Variants in PALLD observed in about 807,000 individuals in gnomAD.
The protein encoded by PALLD is palladin, cytoskeletal associated protein.
A neutral mutation model predicts 123.5 loss-of-function variants in PALLD; 61 were observed. That is an observed-to-expected ratio of 0.49 (90% CI 0.40 to 0.61). The LOEUF is 0.61. Ranked by LOEUF, PALLD falls within the 20% of genes least tolerant of loss-of-function variation. The pLI, the probability that PALLD is intolerant of heterozygous loss-of-function variation, is 0.00. For synonymous variants in PALLD, 465 were observed against 496.4 expected (o/e 0.94, Z 0.84); for missense variants, 1,273 against 1,377.0 (o/e 0.92, Z 1.20).
intron 10 of PALLD, among the ~76,000 whole-genome samples, chr4:168,763,826 A>G (rs1195495140): frequency 6.6e-6 from 1 of 152,216 alleles, no homozygotes; most frequent in Non-Finnish European, 1.5e-5. Context: ...CCATCAGGTC[A>G]GGAGTGACCA....
At chr4:168,659,975 A>C (rs1001278771) in intron 2 of PALLD, among the ~76,000 whole-genome samples, 7 of 152,244 alleles carry the variant, frequency 4.6e-5, no homozygotes, top group African/African-American at 1.4e-4. Flanking sequence ...TATACTAGAA[A>C]GTGTATCTTA....
intron 10 of PALLD, among the ~76,000 whole-genome samples, chr4:168,818,080 C>G (rs111872554): frequency 6.6e-6 from 1 of 152,188 alleles, no homozygotes; most frequent in Non-Finnish European, 1.5e-5. Flanking sequence ...ACCTGCCCCC[C>G]ACTTAAACTG....
At chr4:168,857,113 G>A (rs1347662797) in intron 10 of PALLD, among the ~76,000 whole-genome samples, 6 of 152,140 alleles carry the variant, frequency 3.9e-5, no homozygotes, top group Admixed American at 2.6e-4. Context: ...TCCTTCTCTC[G>A]ACAACCCTTC....
intron 2 of PALLD, among the ~76,000 whole-genome samples, chr4:168,627,684 G>A (rs185513040): frequency 6.6e-6 from 1 of 152,224 alleles, no homozygotes; most frequent in Admixed American, 6.5e-5. Flanking sequence ...GAGCCAAGTC[G>A]AAAGACAAAC....
At chr4:168,856,499 GC>G (rs1220187179) in intron 10 of PALLD, among the ~76,000 whole-genome samples, 5 of 152,112 alleles carry the variant, frequency 3.3e-5, no homozygotes, top group Non-Finnish European at 5.9e-5. Flanking sequence ...CCACATCCTG[GC>G]CAGCAGCTGT....
chr4:168,739,496 G>A (rs986639232), intron 10 of PALLD, among the ~76,000 whole-genome samples: 4 of 152,160 alleles, frequency 2.6e-5, no homozygotes, highest in Non-Finnish European at 5.9e-5. Flanking sequence ...TCTAATGTTC[G>A]TTAGCAGAAT....
chr4:168,646,213 C>A (rs1485228339), intron 2 of PALLD, among the ~76,000 whole-genome samples: 1 of 152,212 alleles, frequency 6.6e-6, no homozygotes, highest in African/African-American at 2.4e-5. Context: ...AGATGCTATG[C>A]CTGCTGCCTC....
chr4:168,873,827 T>C (rs988595239), intron 10 of PALLD, among the ~76,000 whole-genome samples: 2 of 152,140 alleles, frequency 1.3e-5, no homozygotes, highest in Non-Finnish European at 2.9e-5. Context: ...AGGGTTGGTG[T>C]GTGTCTCCAG....
At chr4:168,589,261 C>T (rs577898668) in intron 2 of PALLD, among the ~76,000 whole-genome samples, 3 of 152,224 alleles carry the variant, frequency 2.0e-5, no homozygotes, top group South Asian at 4.2e-4. Context: ...CACTGCAGGC[C>T]GGGTGCTTGT....
chr4:168,552,144 A>G (rs1353163131), intron 2 of PALLD, among the ~76,000 whole-genome samples: 1 of 152,124 alleles, frequency 6.6e-6, no homozygotes, highest in Non-Finnish European at 1.5e-5. Flanking sequence ...AGTTTAAGTC[A>G]CCCAAGTTGA....
chr4:168,893,570 G>T (rs926454483), intron 11 of PALLD, among the ~76,000 whole-genome samples: 2 of 152,162 alleles, frequency 1.3e-5, no homozygotes, highest in African/African-American at 2.4e-5. Context: ...AATAATTTCT[G>T]TACATTTTTT....
chr4:168,758,074 AAAT>A (rs949495944), intron 10 of PALLD, among the ~76,000 whole-genome samples: 70 of 152,342 alleles, frequency 4.6e-4, no homozygotes, highest in African/African-American at 1.6e-3. Flanking sequence ...CCATCTCAAA[AAAT>A]AATAATAACA....
chr4:168,759,193 AAAAAAAAAAATATATATATATATATATAT>A (rs1732383431), intron 10 of PALLD, among the ~76,000 whole-genome samples: 1 of 32,470 alleles, frequency 3.1e-5, no homozygotes, highest in Non-Finnish European at 6.2e-5. Context: ...AAAAAAAAAA[AAAAAAAAAAATATATATATATATATATAT>A]ATATATATAT....
chr4:168,850,812 A>C (rs1054144765), intron 10 of PALLD, among the ~76,000 whole-genome samples: 1 of 151,990 alleles, frequency 6.6e-6, no homozygotes, highest in Admixed American at 6.6e-5. Flanking sequence ...AATTACAGGC[A>C]TGAGCCACCG....
intron 2 of PALLD, among the ~76,000 whole-genome samples, chr4:168,531,805 C>A (rs948242637): frequency 1.1e-4 from 16 of 152,172 alleles, no homozygotes; most frequent in African/African-American, 3.9e-4. Context: ...AACAGAGAAC[C>A]ACTCTATCCC....
intron 10 of PALLD, among the ~76,000 whole-genome samples, chr4:168,748,642 T>C (rs1249010422): frequency 6.6e-6 from 1 of 152,178 alleles, no homozygotes; most frequent in Non-Finnish European, 1.5e-5. Context: ...AAGGTGTCAC[T>C]CAGGCTGTAT....
intron 2 of PALLD, among the ~76,000 whole-genome samples, chr4:168,617,679 G>C (rs778245293): frequency 3.3e-5 from 5 of 152,146 alleles, no homozygotes; most frequent in East Asian, 1.9e-4. Flanking sequence ...CAACTCCTTC[G>C]AACTTCAGTG....
intron 3 of PALLD, among the ~76,000 whole-genome samples, chr4:168,669,773 C>T (rs1779999621): frequency 6.6e-6 from 1 of 150,748 alleles, no homozygotes; most frequent in African/African-American, 2.5e-5. Flanking sequence ...GTAGTAACAA[C>T]TAATACTTAC....
intron 8 of PALLD, among the ~76,000 whole-genome samples, chr4:168,692,564 A>G (rs1022958978): frequency 2.6e-5 from 4 of 152,232 alleles, no homozygotes; most frequent in Non-Finnish European, 5.9e-5. Context: ...GTAGGGAGTT[A>G]GGGCACATCT....
Sources: allele counts gnomAD v4.1 joint callset (sites outside exome capture counted in the v4.1 genomes callset), GRCh38; gene constraint gnomAD v4.1.1; transcripts MANE v1.5; gene names NCBI Gene and HGNC (gene_info 2026-07-23, HGNC 2026-07-21).